DENND1A: variants seen among roughly 807,000 people sequenced by gnomAD.
DENND1A encodes DENN domain-containing protein 1A.
A neutral mutation model predicts 113.7 loss-of-function variants in DENND1A; 51 were observed. That is an observed-to-expected ratio of 0.45 (90% confidence interval 0.36 to 0.57). The LOEUF is 0.57. Among genes scored for constraint, DENND1A ranks in the 20% least tolerant of loss-of-function variants. The probability of loss-of-function intolerance (pLI) is 0.00; values close to 1 mark genes in which losing one functional copy is unlikely to be tolerated. For missense variants in DENND1A, 1,258 were observed against 1,395.9 expected, an observed-to-expected ratio of 0.90 and a Z score of 1.57; for synonymous variants, 565 against 570.8, an observed-to-expected ratio of 0.99 and a Z score of 0.14.
chr9:123,886,423 T>A (rs1849091221), intron 1 of DENND1A, among the ~76,000 whole-genome samples: 1 of 152,222 alleles, frequency 6.6e-6, no homozygotes, highest in Non-Finnish European at 1.5e-5. Flanking sequence ...GACCCCTTAC[T>A]CATTTCACGG....
At chr9:123,838,364 G>A (rs868633755) in intron 2 of DENND1A, among the ~76,000 whole-genome samples, 4 of 152,012 alleles carry the variant, frequency 2.6e-5, no homozygotes, top group Non-Finnish European at 5.9e-5. Flanking sequence ...GTATATGTGC[G>A]TGTATATATA....
chr9:123,667,121 T>A, intron 7 of DENND1A, 42 bp from the exon 8 acceptor site: 4 of 1,547,400 alleles, frequency 2.6e-6, no homozygotes, highest in Non-Finnish European at 3.5e-6. Context: ...TGCTAAAATG[T>A]GTAACAATTG....
chr9:123,745,800 T>C (rs539248261), intron 5 of DENND1A, among the ~76,000 whole-genome samples: 7 of 152,174 alleles, frequency 4.6e-5, no homozygotes, highest in Non-Finnish European at 7.4e-5. Context: ...AAGATTGCTA[T>C]AAAAATAAAT....
chr9:123,786,515 G>A (rs147593720), intron 3 of DENND1A, among the ~76,000 whole-genome samples: 24 of 152,260 alleles, frequency 1.6e-4, no homozygotes, highest in Admixed American at 9.2e-4. Flanking sequence ...AGGGAGAGAC[G>A]GAATCTACTT....
At chr9:123,679,740 TAGGCTGCAGGTG>T (rs1057092139) in intron 5 of DENND1A, among the ~76,000 whole-genome samples, 1 of 152,208 alleles carries the variant, frequency 6.6e-6, no homozygotes, top group Non-Finnish European at 1.5e-5. Context: ...CGCGGCCTGC[TAGGCTGCAGGTG>T]AGGCTGCAGG....
chr9:123,675,925 G>A (rs568600975), intron 6 of DENND1A, among the ~76,000 whole-genome samples: 4 of 152,292 alleles, frequency 2.6e-5, no homozygotes, highest in Admixed American at 2.0e-4. Context: ...TACCCTCATA[G>A]ATGCGAATGG....
intron 5 of DENND1A, among the ~76,000 whole-genome samples, chr9:123,692,037 G>A (rs1159291854): frequency 6.6e-6 from 1 of 152,174 alleles, no homozygotes; most frequent in East Asian, 1.9e-4. Context: ...GGACCATCCA[G>A]AGCAGCAGGT....
At chr9:123,692,390 C>T (rs1337047318) in intron 5 of DENND1A, among the ~76,000 whole-genome samples, 5 of 152,142 alleles carry the variant, frequency 3.3e-5, no homozygotes, top group Non-Finnish European at 7.4e-5. Flanking sequence ...AAAGAGTGGG[C>T]TGGGCCAATA....
chr9:123,799,377 C>T (rs1418150620), intron 2 of DENND1A, among the ~76,000 whole-genome samples: 1 of 152,118 alleles, frequency 6.6e-6, no homozygotes, highest in Admixed American at 6.6e-5. Flanking sequence ...CTGTGGCTGG[C>T]CCTGTTGATA....
intron 21 of DENND1A, among the ~76,000 whole-genome samples, chr9:123,396,041 C>T (rs982799904): frequency 2.6e-5 from 4 of 152,004 alleles, no homozygotes; most frequent in Non-Finnish European, 4.4e-5. Flanking sequence ...GGCCGGTCAC[C>T]GCCAGATCAG....
chr9:123,837,473 T>C lies in DENND1A; in HGVS notation c.88+41478A>G, dbSNP rs1841205808. Among the ~76,000 whole-genome samples, 5 of 152,312 alleles carry C rather than the reference T, an allele frequency of 3.3e-5. 1 individual carries two copies. The highest frequency in any genetic ancestry group is 4.1e-4 in the South Asian group (2 of 4,828). On this transcript the variant is annotated intron_variant, in intron 2 of 23. Transcript: ENST00000394215. ...TATGGATACAAACATTATATATATG[T>C]AGTTTTTCTGAAAACTGAAAAACCA...
chr9:123,797,492 TCAAG>T, intron 2 of DENND1A, among the ~76,000 whole-genome samples: 1 of 152,262 alleles, frequency 6.6e-6, no homozygotes, highest in Non-Finnish European at 1.5e-5. Flanking sequence ...CTTTTAATCC[TCAAG>T]AAGAAAATTT....
intron 13 of DENND1A, among the ~76,000 whole-genome samples, chr9:123,521,365 A>G (rs1358389153): frequency 1.3e-5 from 2 of 152,130 alleles, no homozygotes; most frequent in Non-Finnish European, 2.9e-5. Context: ...TGAGAGTCCA[A>G]TTTGGATTTT....
chr9:123,400,844 G>A (rs990337130), intron 21 of DENND1A: 2 of 152,234 alleles, frequency 1.3e-5, no homozygotes, highest in Non-Finnish European at 2.9e-5. Flanking sequence ...GCCTCCCAAA[G>A]TGCTGGGATT....
rs911400938 is a variant in DENND1A at position 123,428,150 on chromosome 9, A to G, written c.1488+12210T>C. 2.6e-5 allele frequency among the ~76,000 whole-genome samples: 4 copies of G among 152,218 alleles called. No individual in the cohort carries two copies. In the East Asian group the frequency reaches 7.7e-4, roughly 29 times the overall value. ...GAAACCCTGTCTCTACAAAAAATACAAAAATTAAACAAGCCAAAACGAATC... is the reference window on the plus strand; with the variant it reads ...GAAACCCTGTCTCTACAAAAAATACGAAAATTAAACAAGCCAAAACGAATC... On this transcript the variant is annotated intron_variant, in intron 19 of 23. Transcript: ENST00000394215.
intron 1 of DENND1A, among the ~76,000 whole-genome samples, chr9:123,915,124 T>C (rs928369941): frequency 2.6e-5 from 4 of 152,104 alleles, no homozygotes; most frequent in African/African-American, 9.7e-5. Context: ...AGGGCTAGTG[T>C]ACAAATAATT....
At chr9:123,731,618 T>C (rs572919368) in intron 5 of DENND1A, among the ~76,000 whole-genome samples, 4 of 152,120 alleles carry the variant, frequency 2.6e-5, no homozygotes, top group Non-Finnish European at 4.4e-5. Flanking sequence ...TATAAAACTT[T>C]GAGAAGAAAA....
chr9:123,665,477 A>G (rs1420776663), intron 8 of DENND1A, among the ~76,000 whole-genome samples: 1 of 152,226 alleles, frequency 6.6e-6, no homozygotes, highest in African/African-American at 2.4e-5. Context: ...GATCATACAG[A>G]TAATATACTA....
chr9:123,389,493 G>A (rs1401160907), intron 21 of DENND1A, among the ~76,000 whole-genome samples: 1 of 152,210 alleles, frequency 6.6e-6, no homozygotes, highest in Non-Finnish European at 1.5e-5. Context: ...GACCTGACTT[G>A]CAGGAATCTC....
Sources: gnomAD v4.1 joint callset for allele counts (sites outside exome capture counted in the v4.1 genomes callset) on GRCh38, gnomAD v4.1.1 for gene constraint, MANE v1.5 for transcripts, NCBI Gene and HGNC (gene_info 2026-07-23, HGNC 2026-07-21) for gene names.